Variants in CNTNAP5 observed in about 807,000 individuals in gnomAD.
The protein encoded by CNTNAP5 is contactin associated protein family member 5, also known as contactin-associated protein-like 5.
CNTNAP5 carries 72 observed loss-of-function variants against 150.2 expected under a neutral mutation model. That is an observed-to-expected ratio of 0.48 (90% confidence interval 0.40 to 0.58). The LOEUF (loss-of-function observed/expected upper bound fraction) is 0.58, where lower values mean the gene tolerates loss of function less well. CNTNAP5 is among the 20% of genes least tolerant of loss of function. The pLI is 0.00. For missense variants in CNTNAP5, 1,636 were observed against 1,626.2 expected (o/e 1.01, Z -0.10); for synonymous variants, 672 against 619.8 (o/e 1.08, Z -1.25).
intron 1 of CNTNAP5, among the ~76,000 whole-genome samples, chr2:124,108,989 G>T (rs1419002683): frequency 6.6e-6 from 1 of 151,860 alleles, no homozygotes; most frequent in East Asian, 1.9e-4. Context: ...CCTAACATAA[G>T]AGCTTTCCAG....
intron 1 of CNTNAP5, among the ~76,000 whole-genome samples, chr2:124,218,156 A>G (rs1558805936): frequency 2.0e-5 from 3 of 152,116 alleles, no homozygotes; most frequent in African/African-American, 2.4e-5. Context: ...CAAACCCTTA[A>G]CCTGTTTATG....
chr2:124,366,793 G>A (rs949949165), intron 3 of CNTNAP5, among the ~76,000 whole-genome samples: 1 of 152,156 alleles, frequency 6.6e-6, no homozygotes, highest in African/African-American at 2.4e-5. Context: ...ATTGAGAAAA[G>A]AGGGCTGAGT....
At chr2:124,306,241 C>T (rs955381191) in intron 3 of CNTNAP5, among the ~76,000 whole-genome samples, 2 of 152,168 alleles carry the variant, frequency 1.3e-5, no homozygotes, top group African/African-American at 2.4e-5. Flanking sequence ...TCTTCCTCCC[C>T]AAAGTGCTCC....
chr2:124,889,132 C>A (rs1325109922), intron 21 of CNTNAP5, among the ~76,000 whole-genome samples: 2 of 143,766 alleles, frequency 1.4e-5, no homozygotes, highest in Non-Finnish European at 3.0e-5. Context: ...GCTTTGTCAC[C>A]CAGGCACCCA....
At chr2:124,648,254 C>T (rs1678247988) in intron 13 of CNTNAP5, among the ~76,000 whole-genome samples, 1 of 152,170 alleles carries the variant, frequency 6.6e-6, no homozygotes, top group Non-Finnish European at 1.5e-5. Context: ...AGGAATGGGC[C>T]TCAAAGAGGG....
At chr2:124,042,777 C>CTGTATCA (rs1331281735) in intron 1 of CNTNAP5, among the ~76,000 whole-genome samples, 3 of 140,682 alleles carry the variant, frequency 2.1e-5, no homozygotes, top group Non-Finnish European at 4.6e-5. Flanking sequence ...AAGCGTAACT[C>CTGTATCA]TCTATCATCT....
intron 3 of CNTNAP5, among the ~76,000 whole-genome samples, chr2:124,384,101 T>C (rs1690870361): frequency 2.6e-5 from 4 of 152,178 alleles, no homozygotes; most frequent in South Asian, 2.1e-4. Flanking sequence ...TACATTATTA[T>C]ATTATATATT....
chr2:124,802,305 C>T (rs188750249), intron 19 of CNTNAP5, among the ~76,000 whole-genome samples: 1 of 152,282 alleles, frequency 6.6e-6, no homozygotes, highest in Non-Finnish European at 1.5e-5. Context: ...CTCTCCCTGG[C>T]AGGGGTTTGA....
chr2:124,556,787 G>C (rs1207689153), intron 10 of CNTNAP5, among the ~76,000 whole-genome samples: 1 of 152,048 alleles, frequency 6.6e-6, no homozygotes, highest in Non-Finnish European at 1.5e-5. Context: ...TGGTAAGAAG[G>C]GTATTGCCAT....
intron 13 of CNTNAP5, among the ~76,000 whole-genome samples, chr2:124,732,364 T>C (rs1360803884): frequency 1.3e-5 from 2 of 152,174 alleles, no homozygotes; most frequent in Admixed American, 1.3e-4. Context: ...CCTCCAAAAT[T>C]CATACATTGA....
chr2:124,061,404 T>A (rs1475695499), intron 1 of CNTNAP5, among the ~76,000 whole-genome samples: 1 of 152,212 alleles, frequency 6.6e-6, no homozygotes, highest in Non-Finnish European at 1.5e-5. Context: ...ATCATTTCAC[T>A]TTTTCTAATA....
At chr2:124,644,021 AC>A (rs1678151415) in intron 12 of CNTNAP5, among the ~76,000 whole-genome samples, 1 of 152,236 alleles carries the variant, frequency 6.6e-6, no homozygotes, top group Non-Finnish European at 1.5e-5. Flanking sequence ...CAGAGCCCAT[AC>A]TTTGTTCACT....
At position 124,540,597 on chromosome 2, in the gene CNTNAP5, T is replaced by C. The variant is rs147302224; in HGVS notation, c.1649+13141T>C. Among the ~76,000 whole-genome samples the C allele has an allele frequency of 4.8e-3, 728 of 152,338 alleles. 4 individuals are homozygous for C. Among genetic ancestry groups the C allele is most frequent in the African/African-American group, 0.017 (697 of 41,570 alleles). On this transcript the variant is annotated intron_variant, in intron 10 of 23. Coordinates refer to ENST00000682447, the MANE Select transcript of CNTNAP5 (RefSeq NM_001367498.1). ...CAAAAGTGAGCAAGACAGAGAGTTT[T>C]TGATCTTAGAGTCATGTCATTGATT...
Position 124,057,368 on chromosome 2 carries a change from G to A in CNTNAP5, c.82+31636G>A, listed in dbSNP as rs550592952. Among the ~76,000 whole-genome samples, 286 of 143,238 alleles carry A rather than the reference G, an allele frequency of 2.0e-3. 2 individuals are homozygous for A. The highest frequency in any genetic ancestry group is 7.3e-3 in the African/African-American group (279 of 38,180). 94.0% of individuals were successfully genotyped at this position (143,238 alleles called of 152,430 possible). ...GTGATCTCGGCTCACTGCAAACTCTGCCTCCCCGGTTCACACCATTCTCCT... is the reference window on the plus strand; with the variant it reads ...GTGATCTCGGCTCACTGCAAACTCTACCTCCCCGGTTCACACCATTCTCCT... On this transcript the variant is annotated intron_variant, in intron 1 of 23. Transcript: ENST00000682447.
At chr2:124,258,419 A>C (rs549465790) in intron 3 of CNTNAP5, among the ~76,000 whole-genome samples, 4 of 152,306 alleles carry the variant, frequency 2.6e-5, no homozygotes, top group South Asian at 2.1e-4. Context: ...AAGATTGTGA[A>C]TATGTCGTAT....
chr2:124,212,932 G>A (rs895569040), intron 1 of CNTNAP5, among the ~76,000 whole-genome samples: 4 of 142,442 alleles, frequency 2.8e-5, no homozygotes, highest in Middle Eastern at 3.8e-3. Context: ...TCCGCCTGCC[G>A]GATTCATGCC....
intron 1 of CNTNAP5, among the ~76,000 whole-genome samples, chr2:124,037,788 T>A (rs1200441172): frequency 1.3e-5 from 2 of 152,210 alleles, no homozygotes; most frequent in African/African-American, 4.8e-5. Flanking sequence ...TACTTAACAA[T>A]AATGTATTAT....
At chr2:124,874,798 T>A (rs1357419118) in intron 21 of CNTNAP5, among the ~76,000 whole-genome samples, 1 of 152,024 alleles carries the variant, frequency 6.6e-6, no homozygotes, top group African/African-American at 2.4e-5. Flanking sequence ...TAAAATGGAA[T>A]TTGCACTCAT....
chr2:124,084,733 T>C (rs1682638582), intron 1 of CNTNAP5, among the ~76,000 whole-genome samples: 1 of 151,968 alleles, frequency 6.6e-6, no homozygotes, highest in African/African-American at 2.4e-5. Flanking sequence ...AAAAAATACA[T>C]TCATGTGTAT....
Sources: allele counts gnomAD v4.1 joint callset (sites outside exome capture counted in the v4.1 genomes callset), GRCh38; gene constraint gnomAD v4.1.1; transcripts MANE v1.5; gene names NCBI Gene and HGNC (gene_info 2026-07-23, HGNC 2026-07-21).